Variants in PCTP observed in about 807,000 individuals in gnomAD.
PCTP encodes START domain-containing protein 2.
Under a neutral mutation model 31.0 loss-of-function variants are expected in PCTP, and 27 were observed. The ratio of observed to expected loss-of-function variants is 0.87; its 90% CI spans 0.64 to 1.20. The LOEUF (loss-of-function observed/expected upper bound fraction) is 1.20. Among genes scored for constraint, PCTP ranks in the 50% most tolerant of loss-of-function variants. PCTP has a pLI of 0.00. For missense variants in PCTP, 287 were observed against 268.2 expected, an observed-to-expected ratio of 1.07 and a Z score of -0.49; for synonymous variants, 108 against 101.2, an observed-to-expected ratio of 1.07 and a Z score of -0.40.
intron 5 of PCTP, among the ~76,000 whole-genome samples, chr17:55,828,624 G>A (rs1344437937): frequency 2.0e-5 from 3 of 152,140 alleles, no homozygotes; most frequent in Non-Finnish European, 4.4e-5. Flanking sequence ...ACATTCACAG[G>A]TATGGAGATT....
rs117484393 is a variant in PCTP at position 55,835,041 on chromosome 17, G to A, written n.506-7686G>A. The stretch of plus-strand genomic sequence containing the variant: ...AAGAGGGAAATTTGGACACAGATGC[G>A]GAGACACAGAGGGAAGACAATTATG... On this transcript the variant is annotated intron_variant and non_coding_transcript_variant, in intron 5 of 5. Transcript: ENST00000576221. Among the ~76,000 whole-genome samples, 1,344 of 152,232 alleles carry A rather than the reference G, an allele frequency of 8.8e-3. 12 individuals are homozygous for A. The highest frequency in any genetic ancestry group is 0.021 in the South Asian group (102 of 4,822).
intron 2 of PCTP, chr17:55,769,457 A>C (rs993250295): frequency 6.6e-6 from 1 of 152,236 alleles, no homozygotes; most frequent in East Asian, 1.9e-4. Context: ...TGTGGCTTCA[A>C]TTTGGAAAAG....
Position 55,771,149 on chromosome 17 carries a change from G to A in PCTP, c.303G>A (p.Trp101Ter). Reference sequence around the variant, plus strand: ...GCAACGGAGAGACTGTGGTCTACTGGGAAGTGAAGTACCCTTTTCCCATGT... The same window carrying A: ...GCAACGGAGAGACTGTGGTCTACTGAGAAGTGAAGTACCCTTTTCCCATGT... ...QECNGETVVY[W>*]EVKYPFPMSN... is the part of the protein sequence containing the mutation. The change falls in exon 3 of 6, where the codon TGG (tryptophan) becomes TGA (stop). Residue 101 changes from tryptophan to a stop codon, truncating the protein, a stop_gained. Coordinates refer to ENST00000268896, the MANE Select transcript of PCTP (RefSeq NM_021213.4). LOFTEE classifies it high-confidence loss of function. 1.2e-6 allele frequency: 2 copies of A among 1,613,380 alleles called. No homozygotes were observed. Among genetic ancestry groups the A allele is most frequent in the Non-Finnish European group, 1.7e-6 (2 of 1,179,350 alleles).
intron 3 of PCTP, among the ~76,000 whole-genome samples, chr17:55,796,320 T>C (rs1408342139): frequency 1.3e-5 from 2 of 152,010 alleles, no homozygotes; most frequent in African/African-American, 4.8e-5. Context: ...GGATTTCTCA[T>C]AGGGATATAT....
intron 3 of PCTP, among the ~76,000 whole-genome samples, chr17:55,811,371 A>G (rs1912745727): frequency 6.6e-6 from 1 of 152,172 alleles, no homozygotes; most frequent in Admixed American, 6.5e-5. Flanking sequence ...ATCTCATTTA[A>G]TCCTGACAAC....
At chr17:55,851,977 A>G in the PCTP span, among the ~76,000 whole-genome samples, 3 of 152,198 alleles carry the variant, frequency 2.0e-5, no homozygotes, top group East Asian at 1.9e-4. Context: ...TATTACGTAT[A>G]TATCAAAAAA....
At chr17:55,754,845 G>A (rs572948600) in intron 1 of PCTP, among the ~76,000 whole-genome samples, 6 of 152,244 alleles carry the variant, frequency 3.9e-5, no homozygotes, top group South Asian at 4.1e-4. Context: ...GTGTGCGCGC[G>A]TGTGTGTATT....
intron 3 of PCTP, among the ~76,000 whole-genome samples, chr17:55,819,010 CAAAAAAAAA>C (rs56823756): frequency 3.2e-3 from 166 of 51,118 alleles, no homozygotes; most frequent in African/African-American, 0.01. Flanking sequence ...GGAAAGAAAT[CAAAAAAAAA>C]AAAAAAAAAA....
rs568172020 is a variant in PCTP, at chr17:55,776,165, TCTGGAAGTGCCAC to T, written c.*88_*100del. On this transcript the variant is annotated 3_prime_UTR_variant, in exon 6 of 6. Transcript: ENST00000268896. ...TCTGGAAGTGCAACCACCCAATGTC[TCTGGAAGTGCCAC>T]CTGGAAGTGCCACCTGGAAGTGTCT... 2,106 of 1,592,592 alleles carry T rather than the reference TCTGGAAGTGCCAC, an allele frequency of 1.3e-3. 4 individuals carry two copies. The highest frequency in any genetic ancestry group is 1.6e-3 in the Non-Finnish European group (1,868 of 1,169,508).
At chr17:55,803,440 C>T (rs992123171) in intron 3 of PCTP, among the ~76,000 whole-genome samples, 1 of 152,134 alleles carries the variant, frequency 6.6e-6, no homozygotes, top group Admixed American at 6.6e-5. Context: ...GAAGGCATCA[C>T]ACTACTTGAC....
chr17:55,771,150 G>A lies in PCTP; in HGVS notation c.304G>A (p.Glu102Lys), dbSNP rs1286191865. 1 of 1,613,368 alleles carries A rather than the reference G, an allele frequency of 6.2e-7. No homozygotes were observed. Among genetic ancestry groups the A allele is most frequent in the Admixed American group, 1.7e-5 (1 of 60,018 alleles). Reference protein sequence around the residue: ...ECNGETVVYWEVKYPFPMSNR... With the variant: ...ECNGETVVYWKVKYPFPMSNR... ...CAACGGAGAGACTGTGGTCTACTGG[G>A]AAGTGAAGTACCCTTTTCCCATGTC... Residue 102 changes from glutamate to lysine, a missense_variant, in exon 3 of 6, where the codon GAA becomes AAA. Glu to Lys is a moderately conservative substitution (Grantham distance 56, BLOSUM62 1). Transcript: ENST00000268896.
intron 2 of PCTP, chr17:55,769,127 C>T (rs992925115): frequency 6.6e-6 from 1 of 152,342 alleles, no homozygotes; most frequent in South Asian, 2.1e-4. Flanking sequence ...ATTCTTATGT[C>T]ATGGCCAAGA....
chr17:55,775,655 A>T, intron 5 of PCTP: 1 of 1,202,450 alleles, frequency 8.3e-7, no homozygotes, highest in Non-Finnish European at 1.0e-6. Flanking sequence ...CTGCTCCTTG[A>T]TCCCCAATCC....
At chr17:55,798,295 G>A (rs1026294437) in intron 3 of PCTP, among the ~76,000 whole-genome samples, 3 of 152,004 alleles carry the variant, frequency 2.0e-5, no homozygotes, top group Non-Finnish European at 4.4e-5. Context: ...CAGAAGCAAT[G>A]TTTGAAAAGA....
downstream of PCTP, among the ~76,000 whole-genome samples, chr17:55,847,615 T>C (rs957619351): frequency 1.3e-5 from 2 of 152,150 alleles, no homozygotes; most frequent in Non-Finnish European, 1.5e-5. Context: ...AAACCTCCTT[T>C]CTTTATAAAT....
chr17:55,751,391 G>C (rs1320844393), intron 1 of PCTP, 147 bp downstream of exon 1: 2 of 1,534,176 alleles, frequency 1.3e-6, no homozygotes, highest in South Asian at 1.2e-5. Context: ...CCTGTCTCAA[G>C]CTCTGGAGCT....
At chr17:55,768,667 G>A (rs964673756) in intron 2 of PCTP, among the ~76,000 whole-genome samples, 2 of 152,148 alleles carry the variant, frequency 1.3e-5, no homozygotes, top group Non-Finnish European at 2.9e-5. Context: ...AGTAGTAGTC[G>A]AAGAGCTAGG....
downstream of PCTP, among the ~76,000 whole-genome samples, chr17:55,847,612 C>T (rs1009365132): frequency 6.6e-6 from 1 of 152,144 alleles, no homozygotes; most frequent in African/African-American, 2.4e-5. Flanking sequence ...GTTAAACCTC[C>T]TTTCTTTATA....
At chr17:55,807,588 G>T (rs1912614852) in intron 3 of PCTP, among the ~76,000 whole-genome samples, 1 of 152,042 alleles carries the variant, frequency 6.6e-6, no homozygotes, top group Non-Finnish European at 1.5e-5. Flanking sequence ...TTGATGAATT[G>T]TGCTGTAGAA....
Sources: allele counts gnomAD v4.1 joint callset (sites outside exome capture counted in the v4.1 genomes callset), GRCh38; gene constraint gnomAD v4.1.1; transcripts MANE v1.5; gene names NCBI Gene and HGNC (gene_info 2026-07-23, HGNC 2026-07-21).